Variants in PRRC2C observed in about 807,000 individuals in gnomAD.
PRRC2C encodes the protein protein PRRC2C.
In PRRC2C, 72 loss-of-function variants were observed where a neutral mutation model predicts 317.2. That is an observed-to-expected ratio of 0.23 (90% CI 0.19 to 0.28). PRRC2C has a LOEUF of 0.28. PRRC2C is among the 10% of genes least tolerant of loss of function. The pLI, the probability that PRRC2C is intolerant of heterozygous loss-of-function variation, is 1.00. For missense variants in PRRC2C, 3,074 were observed against 3,459.7 expected, an observed-to-expected ratio of 0.89 and a Z score of 2.80; for synonymous variants, 1,296 against 1,205.9, an observed-to-expected ratio of 1.07 and a Z score of -1.55.
chr1:171,579,975 T>C lies in PRRC2C; in HGVS notation c.7409+11T>C. 6.7e-7 allele frequency: 1 copy of C among 1,498,548 alleles called. No individual in the cohort carries two copies. Among genetic ancestry groups the C allele is most frequent in the East Asian group, 2.4e-5 (1 of 41,738 alleles). 92.8% of individuals were successfully genotyped at this position (1,498,548 alleles called of 1,614,324 possible). On this transcript the variant is annotated intron_variant, in intron 28 of 34. Transcript: ENST00000647382. ...ACTTCAACCATATAGGTAAATGCTT[T>C]AAAAGTTATGTTTGTAATGATGTTG...
chr1:171,538,418 TAAG>T (rs1457688030), intron 15 of PRRC2C, among the ~76,000 whole-genome samples: 1 of 152,222 alleles, frequency 6.6e-6, no homozygotes, highest in Non-Finnish European at 1.5e-5. Flanking sequence ...AAGGCCAAGA[TAAG>T]GAGAAATACA....
intron 11 of PRRC2C, 146 bp from the exon 12 acceptor site, chr1:171,532,197 C>T (rs933168608): frequency 1.2e-6 from 1 of 815,762 alleles, no homozygotes; most frequent in Middle Eastern, 3.4e-4. Flanking sequence ...TAATATATTT[C>T]CCATCTTATG....
rs144074257 is a variant in PRRC2C, at chr1:171,540,817, A to T, written c.3351A>T (p.Val1117=). 6 of 1,613,810 alleles carry T rather than the reference A, an allele frequency of 3.7e-6. No individual in the cohort carries two copies. Among genetic ancestry groups the T allele is most frequent in the Admixed American group, 1.7e-5 (1 of 59,990 alleles). ...TGGAACCTGTGAGTACTGTTCAGGT[A>T]GAGCCTGCAGTTAAGACTGTAAACC... is the stretch of plus-strand genomic sequence containing the variant. ...KPLEPVSTVQ[V]EPAVKTVNQQ... Residue 1117 remains valine (V), a synonymous_variant, in exon 16 of 35, where the codon GTA becomes GTT. Coordinates refer to ENST00000647382, the MANE Select transcript of PRRC2C (RefSeq NM_001387844.1).
At chr1:171,587,256 A>T in intron 31 of PRRC2C, 35 bp downstream of exon 31, 12 of 1,530,660 alleles carry the variant, frequency 7.8e-6, no homozygotes, top group Non-Finnish European at 1.1e-5. Flanking sequence ...GTTATTTGAG[A>T]ATTTAAGGTA....
chr1:171,524,998 C>T, intron 10 of PRRC2C, 33 bp downstream of exon 10: 1 of 1,512,494 alleles, frequency 6.6e-7, no homozygotes, highest in Non-Finnish European at 9.0e-7. Flanking sequence ...CTTGTTATTG[C>T]AAGGATCTCC....
intron 17 of PRRC2C, among the ~76,000 whole-genome samples, chr1:171,548,191 A>G (rs1679532727): frequency 1.3e-5 from 2 of 151,006 alleles, no homozygotes; most frequent in South Asian, 2.1e-4. Context: ...CTAGTCAGGA[A>G]CTCCTGACCT....
At chr1:171,510,022 T>A (rs1671020572) in intron 1 of PRRC2C, 1 of 151,676 alleles carries the variant, frequency 6.6e-6, no homozygotes, top group African/African-American at 2.4e-5. Flanking sequence ...TGGCTAATTT[T>A]TGTATTTTTA....
intron 17 of PRRC2C, among the ~76,000 whole-genome samples, chr1:171,546,463 T>G (rs1233249370): frequency 6.6e-6 from 1 of 152,244 alleles, no homozygotes; most frequent in Non-Finnish European, 1.5e-5. Context: ...TCTGCCTAAT[T>G]GTTATTTGTA....
intron 30 of PRRC2C, among the ~76,000 whole-genome samples, chr1:171,584,957 G>A (rs904083662): frequency 6.6e-6 from 1 of 152,080 alleles, no homozygotes; most frequent in African/African-American, 2.4e-5. Context: ...CGTAGTTTTT[G>A]TAGAGACAGG....
intron 10 of PRRC2C, among the ~76,000 whole-genome samples, chr1:171,526,199 CTTTT>C: frequency 6.6e-6 from 1 of 152,114 alleles, no homozygotes; most frequent in East Asian, 1.9e-4. Flanking sequence ...TTTAGATTTT[CTTTT>C]TTTAAGATAA....
chr1:171,535,388 A>G (rs368535716), intron 12 of PRRC2C, 40 bp from the exon 13 acceptor site: 3 of 1,562,852 alleles, frequency 1.9e-6, no homozygotes, highest in East Asian at 2.3e-5. Context: ...GATAAGTGTC[A>G]TAGATGAATA....
chr1:171,579,262 G>C lies in PRRC2C; in HGVS notation c.7160-92G>C. 4.2e-6 allele frequency: 6 copies of C among 1,439,814 alleles called. No individual in the cohort carries two copies. In the South Asian group the frequency reaches 4.6e-5, roughly 11 times the overall value. The allele number at this position is 1,439,814 out of a possible 1,614,324, so 89.2% of individuals were successfully genotyped here. On this transcript the variant is annotated intron_variant, in intron 26 of 34. Transcript: ENST00000647382. Reference sequence around the variant, plus strand: ...ATTTTCAGAGGGTGCACTTAATTTGGAATCTGCTACAAAACTTGGTTTTTA... The same window carrying C: ...ATTTTCAGAGGGTGCACTTAATTTGCAATCTGCTACAAAACTTGGTTTTTA...
In PRRC2C at chr1:171,577,560, C is replaced by T; in HGVS notation, c.7082C>T (p.Ser2361Leu). The T allele has an allele frequency of 6.2e-7, 1 of 1,613,774 alleles. No homozygotes were observed. The highest frequency in any genetic ancestry group is 8.5e-7 in the Non-Finnish European group (1 of 1,179,766). The change falls in exon 26 of 35, where the codon TCA becomes TTA. Residue 2361 changes from serine to leucine, a missense_variant. Physicochemically the swap from Ser to Leu is moderately radical, Grantham distance 145 (BLOSUM62 -2). Transcript: ENST00000647382. The part of the protein sequence containing the change: ...TSSLPSASHF[S>L]QLSCMPSLIA... ...AGCCTGCCTTCTGCAAGTCATTTTT[C>T]ACAGTTAAGCTGTATGCCTTCCCTT... is the stretch of plus-strand genomic sequence containing the variant.
chr1:171,581,412 C>T (rs1648557013), intron 28 of PRRC2C, among the ~76,000 whole-genome samples: 1 of 152,120 alleles, frequency 6.6e-6, no homozygotes, highest in African/African-American at 2.4e-5. Flanking sequence ...TAATGTTTTC[C>T]ACAGGCCGTG....
At chr1:171,519,286 A>G (rs571895928) in intron 6 of PRRC2C, among the ~76,000 whole-genome samples, 82 of 152,346 alleles carry the variant, frequency 5.4e-4, no homozygotes, top group African/African-American at 1.9e-3. Flanking sequence ...AAGGTTTGCA[A>G]TGCTGTTATA....
chr1:171,590,491 A>T (rs1651182368), intron 34 of PRRC2C, among the ~76,000 whole-genome samples: 1 of 152,202 alleles, frequency 6.6e-6, no homozygotes, highest in Admixed American at 6.5e-5. Flanking sequence ...AGAAAAGCTT[A>T]CTGCTTTCAA....
At chr1:171,525,003 A>G (rs957273874) in intron 10 of PRRC2C, 38 bp downstream of exon 10, 1 of 1,503,384 alleles carries the variant, frequency 6.7e-7, no homozygotes, top group East Asian at 2.3e-5. Flanking sequence ...TATTGCAAGG[A>G]TCTCCTTATT....
intron 10 of PRRC2C, among the ~76,000 whole-genome samples, chr1:171,525,792 G>C (rs1674453897): frequency 6.6e-6 from 1 of 152,142 alleles, no homozygotes; most frequent in Non-Finnish European, 1.5e-5. Context: ...TATAGAAAGG[G>C]AATATAGCTG....
intron 1 of PRRC2C, among the ~76,000 whole-genome samples, chr1:171,490,627 C>T (rs1470341112): frequency 1.3e-5 from 2 of 152,130 alleles, no homozygotes; most frequent in Non-Finnish European, 2.9e-5. Context: ...AAGGAAGTCA[C>T]TATAGAAATC....
Sources: gnomAD v4.1 joint callset for allele counts (sites outside exome capture counted in the v4.1 genomes callset) on GRCh38, gnomAD v4.1.1 for gene constraint, MANE v1.5 for transcripts, NCBI Gene and HGNC (gene_info 2026-07-23, HGNC 2026-07-21) for gene names.